The following HTR2C variants were observed in gnomAD, a reference collection of about 807,000 sequenced individuals.
HTR2C encodes the protein 5-hydroxytryptamine receptor 2C.
Under a neutral mutation model 21.0 loss-of-function variants are expected in HTR2C, and 5 were observed. That is an observed-to-expected ratio of 0.24 (90% confidence interval 0.12 to 0.50). The LOEUF (loss-of-function observed/expected upper bound fraction) is 0.50, where lower values mean the gene tolerates loss of function less well. Ranked by LOEUF, HTR2C falls within the 20% of genes least tolerant of loss-of-function variation. The pLI, the probability that HTR2C is intolerant of heterozygous loss-of-function variation, is 0.98. For synonymous variants in HTR2C, 150 were observed against 145.3 expected (o/e 1.03, Z -0.23); for missense variants, 271 against 371.2 (o/e 0.73, Z 2.22).
At chrX:114,670,983 T>C (rs1193108982) in intron 2 of HTR2C, among the ~76,000 whole-genome samples, 1 of 112,317 alleles carries the variant, frequency 8.9e-6, no homozygotes, top group Non-Finnish European at 1.9e-5. Context: ...AATTATCTAT[T>C]CTTGGTTTTA....
chrX:114,697,207 T>C (rs1490601602), intron 2 of HTR2C, among the ~76,000 whole-genome samples: 1 of 112,171 alleles, frequency 8.9e-6, no homozygotes, highest in African/African-American at 3.2e-5. Context: ...AAATTTCCCA[T>C]TTATCTGCTT....
chrX:114,685,428 C>T (rs782734142), intron 2 of HTR2C, among the ~76,000 whole-genome samples: 55 of 111,904 alleles, frequency 4.9e-4, no homozygotes, highest in Non-Finnish European at 7.3e-4. Flanking sequence ...TTCATTGGAC[C>T]GATTAGATGA....
intron 1 of HTR2C, among the ~76,000 whole-genome samples, chrX:114,588,361 T>C (rs1556390196): frequency 8.9e-6 from 1 of 111,936 alleles, no homozygotes; most frequent in East Asian, 2.8e-4. Context: ...TAACATACTG[T>C]TATTATTACC....
rs188020387 is a variant in HTR2C at position 114,737,741 on chromosome X, A to T, written c.349+6134A>T. 2.2e-3 allele frequency among the ~76,000 whole-genome samples: 251 copies of T among 111,873 alleles called. 1 individual carries two copies. Among genetic ancestry groups the T allele is most frequent in the African/African-American group, 7.7e-3 (236 of 30,801 alleles). On this transcript the variant is annotated intron_variant, in intron 4 of 5. Coordinates refer to ENST00000276198, the MANE Select transcript of HTR2C (RefSeq NM_000868.4). ...ATTTATCAGAGGAATCCAGGTTAAC[A>T]AAATTGACCCCATGAGATGTAAAAG...
At chrX:114,624,517 G>T (rs1556402459) in intron 2 of HTR2C, among the ~76,000 whole-genome samples, 16 of 112,031 alleles carry the variant, frequency 1.4e-4, no homozygotes. Flanking sequence ...TTTAAATGCA[G>T]CTCAGCTTCC....
intron 4 of HTR2C, among the ~76,000 whole-genome samples, chrX:114,751,798 C>T (rs2069762531): frequency 9.0e-6 from 1 of 111,222 alleles, no homozygotes; most frequent in African/African-American, 3.3e-5. Context: ...CATGTATTTC[C>T]ACAATGACCT....
chrX:114,632,770 TGGCCTCCTTAGAGGA>T (rs1368805956), intron 2 of HTR2C, among the ~76,000 whole-genome samples: 1 of 110,868 alleles, frequency 9.0e-6, no homozygotes, highest in Non-Finnish European at 1.9e-5. Context: ...TTCCAGAGAC[TGGCCTCCTTAGAGGA>T]GGCCTCCTTA....
At chrX:114,797,555 A>T (rs1273103190) in intron 4 of HTR2C, among the ~76,000 whole-genome samples, 1 of 111,736 alleles carries the variant, frequency 8.9e-6, no homozygotes, top group African/African-American at 3.3e-5. Flanking sequence ...TGGCCTTCAG[A>T]TTTTACTTCC....
At chrX:114,653,721 T>C (rs1307901061) in intron 2 of HTR2C, among the ~76,000 whole-genome samples, 3 of 110,700 alleles carry the variant, frequency 2.7e-5, no homozygotes, top group African/African-American at 9.8e-5. Flanking sequence ...CACCATTCTA[T>C]ATCTAGCTAC....
chrX:114,711,738 C>G (rs1932895025), intron 2 of HTR2C, among the ~76,000 whole-genome samples: 1 of 111,849 alleles, frequency 8.9e-6, no homozygotes, highest in Non-Finnish European at 1.9e-5. Flanking sequence ...ATAGCTTAAC[C>G]TCTTTGAACT....
Position 114,899,409 on chromosome X carries a change from C to T in HTR2C, c.551-7180C>T, listed in dbSNP as rs973099099. The stretch of plus-strand genomic sequence containing the variant: ...AGTTGCAGACACCTTTGTTGGGGAT[C>T]CTGGGGTCAGAGTATGTAAAGCTCC... On this transcript the variant is annotated intron_variant, in intron 5 of 5. Transcript: ENST00000276198. Among the ~76,000 whole-genome samples the T allele has an allele frequency of 2.7e-5, 3 of 111,038 alleles. No homozygotes were observed. The Admixed American group carries it at 2.9e-4, about 11-fold the overall frequency.
chrX:114,830,408 C>G (rs2070711737), intron 4 of HTR2C, among the ~76,000 whole-genome samples: 1 of 110,743 alleles, frequency 9.0e-6, no homozygotes, highest in East Asian at 2.9e-4. Context: ...TTTTATTGGT[C>G]ATTGTTTAAC....
chrX:114,783,850 A>G (rs2070144195), intron 4 of HTR2C, among the ~76,000 whole-genome samples: 1 of 111,809 alleles, frequency 8.9e-6, no homozygotes, highest in Non-Finnish European at 1.9e-5. Context: ...ATCAAAAATC[A>G]TATTGAAAAT....
intron 2 of HTR2C, among the ~76,000 whole-genome samples, chrX:114,676,533 A>C (rs1484938296): frequency 8.9e-6 from 1 of 112,550 alleles, no homozygotes; most frequent in Non-Finnish European, 1.9e-5. Context: ...CACATTAAAA[A>C]ATCCATTTGG....
At chrX:114,724,749 G>A (rs1556421473) in intron 2 of HTR2C, among the ~76,000 whole-genome samples, 2 of 106,138 alleles carry the variant, frequency 1.9e-5, no homozygotes, top group Non-Finnish European at 3.9e-5. Flanking sequence ...TGCCTGTAAA[G>A]TATTTTATTT....
At chrX:114,766,930 C>A (rs1376641279) in intron 4 of HTR2C, among the ~76,000 whole-genome samples, 1 of 111,295 alleles carries the variant, frequency 9.0e-6, no homozygotes, top group Non-Finnish European at 1.9e-5. Flanking sequence ...TCCCATGACC[C>A]AATGCCATTG....
At chrX:114,614,649 G>T (rs1928883141) in intron 2 of HTR2C, among the ~76,000 whole-genome samples, 1 of 111,449 alleles carries the variant, frequency 9.0e-6, no homozygotes, top group Admixed American at 9.6e-5. Flanking sequence ...AACATAGCTA[G>T]CTCTTCAAAA....
At chrX:114,734,943 T>A (rs1317359412) in intron 4 of HTR2C, among the ~76,000 whole-genome samples, 1 of 111,643 alleles carries the variant, frequency 9.0e-6, no homozygotes, top group Non-Finnish European at 1.9e-5. Flanking sequence ...AAGTTGTCCA[T>A]TAAGGCTATA....
At position 114,720,976 on chromosome X, in the gene HTR2C, T is replaced by G. The variant is rs1261542496; in HGVS notation, c.-79-5882T>G. The stretch of plus-strand genomic sequence containing the variant: ...ATTGTGAATAATGCCGCAATAAACA[T>G]ACGTGTGCGTGTGTCTTTATAGCAG... On this transcript the variant is annotated intron_variant, in intron 2 of 5. Transcript: ENST00000276198. Among the ~76,000 whole-genome samples, 120 of 96,874 alleles carry G rather than the reference T, an allele frequency of 1.2e-3. 2 individuals are homozygous for G. Among genetic ancestry groups the G allele is most frequent in the Admixed American group, 0.012 (104 of 8,511 alleles). 84.1% of individuals were successfully genotyped at this position (96,874 alleles called of 115,157 possible). A position where few individuals can be genotyped will look rare whatever the true frequency, so the allele number is the denominator to read the frequency against.
Sources: allele counts gnomAD v4.1 joint callset (sites outside exome capture counted in the v4.1 genomes callset), GRCh38; gene constraint gnomAD v4.1.1; transcripts MANE v1.5; gene names NCBI Gene and HGNC (gene_info 2026-07-23, HGNC 2026-07-21).